Variants in USP18 observed in about 807,000 individuals in gnomAD.
The protein encoded by USP18 is ubl carboxyl-terminal hydrolase 18.
USP18 carries 11 observed loss-of-function variants against 48.7 expected under a neutral mutation model. The observed-to-expected ratio is 0.23, with a 90% CI of 0.14 to 0.37. USP18 has a LOEUF of 0.37. USP18 is among the 10% of genes least tolerant of loss of function. The pLI is 1.00. For missense variants in USP18, 285 were observed against 436.4 expected (o/e 0.65, Z 3.09); for synonymous variants, 114 against 163.2 (o/e 0.70, Z 2.30).
At position 18,152,628 on chromosome 22, in the gene USP18, G is replaced by A. The variant is rs527321587; in HGVS notation, c.-107+2406G>A. Among the ~76,000 whole-genome samples the A allele has an allele frequency of 5.9e-5, 9 of 151,950 alleles. No individual in the cohort carries two copies. In the South Asian group the frequency reaches 1.7e-3, roughly 28 times the overall value. The stretch of plus-strand genomic sequence containing the variant: ...TTGAAAATCCCCTTCCTTGGAATCC[G>A]CCCAGGCTGTTTTCTCTGGTGGATG... On this transcript the variant is annotated intron_variant, in intron 1 of 10. Transcript: ENST00000215794.
chr22:18,176,020 C>T (rs1178237621), intron 10 of USP18, among the ~76,000 whole-genome samples: 3 of 123,114 alleles, frequency 2.4e-5, no homozygotes, highest in Non-Finnish European at 5.0e-5. Flanking sequence ...CGGTGGCTCA[C>T]GCCTGTAATC....
At chr22:18,158,550 G>A (rs553658841) in intron 2 of USP18, among the ~76,000 whole-genome samples, 75 of 152,288 alleles carry the variant, frequency 4.9e-4, no homozygotes, top group Middle Eastern at 3.4e-3. Flanking sequence ...GTAAGCCAAA[G>A]CCCTTTCCCC....
intron 1 of USP18, among the ~76,000 whole-genome samples, chr22:18,151,597 G>C (rs542600344): frequency 9.2e-5 from 14 of 151,808 alleles, no homozygotes; most frequent in Non-Finnish European, 1.9e-4. Context: ...TTACAAAGGG[G>C]AAAATGCTTA....
chr22:18,169,587 G>C (rs1263164895), intron 6 of USP18, among the ~76,000 whole-genome samples: 1 of 152,006 alleles, frequency 6.6e-6, no homozygotes, highest in Non-Finnish European at 1.5e-5. Context: ...TCCCAGGTAA[G>C]ACACCTGCTC....
Position 18,161,786 on chromosome 22 carries a change from G to T in USP18, c.255-4G>T. The T allele has an allele frequency of 6.3e-7, 1 of 1,590,578 alleles. No homozygotes were observed. Among genetic ancestry groups the T allele is most frequent in the Non-Finnish European group, 8.6e-7 (1 of 1,168,532 alleles). Reference sequence around the variant, plus strand: ...GGAGGTTTCTGGCTGTTCTTGTGTGGCAGGATCACGGTGCCCAGGGGAGCT... The same window carrying T: ...GGAGGTTTCTGGCTGTTCTTGTGTGTCAGGATCACGGTGCCCAGGGGAGCT... On this transcript the variant is annotated splice_polypyrimidine_tract_variant and splice_region_variant and intron_variant, in intron 3 of 10. Transcript: ENST00000215794.
chr22:18,165,670 CTTTCCTGAGACT>C (rs1352050364), intron 4 of USP18, among the ~76,000 whole-genome samples: 1 of 152,108 alleles, frequency 6.6e-6, no homozygotes, highest in Non-Finnish European at 1.5e-5. Context: ...TCCAGCTGAT[CTTTCCTGAGACT>C]TGGCAGTAGA....
At position 18,157,585 on chromosome 22, in the gene USP18, G is replaced by A. The variant is rs1929195836; in HGVS notation, c.-79G>A. ...ATTCCATCGTGCCTGGCTCACATAA[G>A]CGCTTCCTGGAAGTGAAGTCGTGCT... On this transcript the variant is annotated 5_prime_UTR_variant, in exon 2 of 11. Transcript: ENST00000215794. 7 of 1,578,872 alleles carry A rather than the reference G, an allele frequency of 4.4e-6. No individual in the cohort carries two copies. In the South Asian group the frequency reaches 5.7e-5, roughly 13 times the overall value.
intron 1 of USP18, among the ~76,000 whole-genome samples, chr22:18,153,771 T>C (rs1214875751): frequency 6.6e-6 from 1 of 152,174 alleles, no homozygotes; most frequent in Non-Finnish European, 1.5e-5. Context: ...TTCTAGGAGA[T>C]AAGCTTTTTG....
chr22:18,161,643 C>T, intron 3 of USP18, 147 bp from the exon 4 acceptor site: 3 of 757,026 alleles, frequency 4.0e-6, no homozygotes, highest in South Asian at 4.4e-5. Flanking sequence ...ACTGCCCGCG[C>T]CCCGCCCCCC....
At chr22:18,174,269 G>A (rs576139666) in intron 10 of USP18, among the ~76,000 whole-genome samples, 58 of 148,080 alleles carry the variant, frequency 3.9e-4, no homozygotes, top group African/African-American at 1.3e-3. Flanking sequence ...CTCTGTTGCC[G>A]GGCTGGAGTG....
chr22:18,157,705 C>T lies in USP18; in HGVS notation c.42C>T (p.Ser14=), dbSNP rs1467751730. ...AFGLLRQICQ[S]ILAESSQSPA... is the part of the protein sequence containing the mutation. The stretch of plus-strand genomic sequence containing the variant: ...GGCTCCTGAGGCAAATCTGTCAGTC[C>T]ATCCTGGCTGAGTCCTCGCAGTCCC... The change falls in exon 2 of 11, where the codon TCC becomes TCT. Residue 14 remains serine, a synonymous_variant. Transcript: ENST00000215794. The T allele has an allele frequency of 1.2e-6, 2 of 1,613,912 alleles. No individual in the cohort carries two copies. The highest frequency in any genetic ancestry group is 1.7e-6 in the Non-Finnish European group (2 of 1,180,010).
At chr22:18,168,071 A>G in intron 6 of USP18, 35 bp downstream of exon 6, 1 of 1,611,020 alleles carries the variant, frequency 6.2e-7, no homozygotes, top group Non-Finnish European at 8.5e-7. Context: ...CTGCCCCTGT[A>G]TGTGTTAGTC....
chr22:18,173,092 T>C, intron 8 of USP18, 58 bp from the exon 9 acceptor site: 2 of 1,605,818 alleles, frequency 1.2e-6, no homozygotes, highest in Non-Finnish European at 8.5e-7. Flanking sequence ...GGTATAAATG[T>C]GTGAGGCAGT....
At chr22:18,174,389 A>G in intron 10 of USP18, among the ~76,000 whole-genome samples, 1 of 151,218 alleles carries the variant, frequency 6.6e-6, no homozygotes, top group Non-Finnish European at 1.5e-5. Flanking sequence ...CACCACGCCC[A>G]GCTGATTGTT....
rs1009537297 is a variant in USP18 at position 18,173,679 on chromosome 22, G to C, written c.1024-114G>C. Reference sequence around the variant, plus strand: ...CCTGCTGCTGTTGCTCCAGGCTCTTGGGAGTTGCTAGGGGTGGGCTTGTCT... The same window carrying C: ...CCTGCTGCTGTTGCTCCAGGCTCTTCGGAGTTGCTAGGGGTGGGCTTGTCT... On this transcript the variant is annotated intron_variant, in intron 9 of 10. Coordinates refer to ENST00000215794, the MANE Select transcript of USP18 (RefSeq NM_017414.4). 2.7e-6 allele frequency: 4 copies of C among 1,466,884 alleles called. No homozygotes were observed. The African/African-American group carries it at 5.6e-5, about 20-fold the overall frequency. The allele number at this position is 1,466,884 out of a possible 1,614,324, so 90.9% of individuals were successfully genotyped here.
At chr22:18,168,536 C>T (rs936334434) in intron 6 of USP18, among the ~76,000 whole-genome samples, 4 of 152,162 alleles carry the variant, frequency 2.6e-5, no homozygotes, top group African/African-American at 7.2e-5. Context: ...GCTGGGATTA[C>T]AGGTGCCCAC....
intron 1 of USP18, among the ~76,000 whole-genome samples, chr22:18,156,709 C>T (rs1392173704): frequency 6.6e-6 from 1 of 152,170 alleles, no homozygotes; most frequent in African/African-American, 2.4e-5. Flanking sequence ...CCTGAGCTAG[C>T]GAGACCACAA....
At chr22:18,174,514 GCCA>G (rs1929727859) in intron 10 of USP18, among the ~76,000 whole-genome samples, 1 of 152,146 alleles carries the variant, frequency 6.6e-6, no homozygotes, top group African/African-American at 2.4e-5. Context: ...ACAGGCATGA[GCCA>G]CCACACCTGG....
rs1602514773 is a variant in USP18, at chr22:18,150,210, C to T, written c.-119C>T. 1 of 152,276 alleles carries T rather than the reference C, an allele frequency of 6.6e-6. No homozygotes were observed. Among genetic ancestry groups the T allele is most frequent in the South Asian group, 2.1e-4 (1 of 4,836 alleles). 9.4% of individuals were successfully genotyped at this position (152,276 alleles called of 1,614,324 possible). On this transcript the variant is annotated 5_prime_UTR_variant, in exon 1 of 11. Transcript: ENST00000215794. ...CTCAGCAGCGGAGGCTGGACGCTTG[C>T]ATGGCGCTTGAGGCAAGTTCGGGGC... is the stretch of plus-strand genomic sequence containing the variant.
Sources: allele counts gnomAD v4.1 joint callset (sites outside exome capture counted in the v4.1 genomes callset), GRCh38; gene constraint gnomAD v4.1.1; transcripts MANE v1.5; gene names NCBI Gene and HGNC (gene_info 2026-07-23, HGNC 2026-07-21).